The following OTULIN variants were observed in gnomAD, a reference collection of about 807,000 sequenced individuals.
OTULIN encodes OTU deubiquitinase with linear linkage specificity, also known as ubiquitin thioesterase otulin.
A neutral mutation model predicts 39.6 loss-of-function variants in OTULIN; 15 were observed. The ratio of observed to expected loss-of-function variants is 0.38; its 90% CI spans 0.25 to 0.58. The LOEUF (loss-of-function observed/expected upper bound fraction) is 0.58, where lower values mean the gene tolerates loss of function less well. Ranked by LOEUF, OTULIN falls within the 20% of genes least tolerant of loss-of-function variation. OTULIN has a pLI of 0.66. For missense variants in OTULIN, 319 were observed against 445.9 expected, an observed-to-expected ratio of 0.72 and a Z score of 2.56; for synonymous variants, 156 against 170.3, an observed-to-expected ratio of 0.92 and a Z score of 0.65.
chr5:14,715,153 C>T, the OTULIN span, among the ~76,000 whole-genome samples: 13 of 152,140 alleles, frequency 8.5e-5, no homozygotes, highest in South Asian at 1.0e-3. Context: ...TGTTTTGAGA[C>T]GGAGTTTCAC....
At chr5:14,681,960 T>G (rs1369466679) in intron 4 of OTULIN, among the ~76,000 whole-genome samples, 1 of 152,264 alleles carries the variant, frequency 6.6e-6, no homozygotes, top group Non-Finnish European at 1.5e-5. Context: ...TACACATTTC[T>G]TTAGTTTTTA....
Position 14,698,930 on chromosome 5 carries a change from GGGTGGGCTTGGACA to G in OTULIN, c.*5884_*5897del, listed in dbSNP as rs1736741081. 1 of 152,200 alleles carries G rather than the reference GGGTGGGCTTGGACA, an allele frequency of 6.6e-6. No individual in the cohort carries two copies. Among genetic ancestry groups the G allele is most frequent in the Non-Finnish European group, 1.5e-5 (1 of 68,064 alleles). 9.4% of individuals were successfully genotyped at this position (152,200 alleles called of 1,614,324 possible). ...ACAGCATTCCCGCTGCCCACTAAAA[GGGTGGGCTTGGACA>G]GTTCCTGAACCTCCCTAAATCTGTT... On this transcript the variant is annotated 3_prime_UTR_variant, in exon 7 of 7. Transcript: ENST00000284274.
At chr5:14,668,674 T>A (rs1333284622) in intron 1 of OTULIN, among the ~76,000 whole-genome samples, 2 of 152,256 alleles carry the variant, frequency 1.3e-5, no homozygotes, top group East Asian at 3.8e-4. Context: ...CCATACTTAG[T>A]TCTTATAGAC....
At chr5:14,667,976 T>C (rs1187753908) in intron 1 of OTULIN, among the ~76,000 whole-genome samples, 1 of 152,120 alleles carries the variant, frequency 6.6e-6, no homozygotes, top group Non-Finnish European at 1.5e-5. Flanking sequence ...AGGCCAGAAA[T>C]GCTTAGGGAA....
rs1736645695 is a variant in OTULIN, at chr5:14,695,623, A to G, written c.*2575A>G. 6.6e-6 allele frequency: 1 copy of G among 152,192 alleles called. No individual in the cohort carries two copies. Among genetic ancestry groups the G allele is most frequent in the Admixed American group, 6.5e-5 (1 of 15,276 alleles). The allele number at this position is 152,192 out of a possible 1,614,324, so 9.4% of individuals were successfully genotyped here. A position where few individuals can be genotyped will look rare whatever the true frequency, so the allele number is the denominator to read the frequency against. ...TTTAAACCTAAAATAATTTCCCTGT[A>G]TTATGCTTCATGGGATTAACACTGC... is the stretch of plus-strand genomic sequence containing the variant. On this transcript the variant is annotated 3_prime_UTR_variant, in exon 7 of 7. Transcript: ENST00000284274.
Position 14,678,677 on chromosome 5 carries a change from A to G in OTULIN, c.230-4A>G. The stretch of plus-strand genomic sequence containing the variant: ...GCTTTTTTTTTTTTTAAATTCTTTA[A>G]CAGAACCGAGATTAAGCGTAGCTCC... On this transcript the variant is annotated splice_region_variant and splice_polypyrimidine_tract_variant and intron_variant, in intron 2 of 6. Transcript: ENST00000284274. The G allele has an allele frequency of 1.9e-6, 3 of 1,564,612 alleles. No homozygotes were observed. The highest frequency in any genetic ancestry group is 2.6e-6 in the Non-Finnish European group (3 of 1,161,050).
At chr5:14,683,072 A>G (rs1159760127) in intron 4 of OTULIN, among the ~76,000 whole-genome samples, 2 of 152,210 alleles carry the variant, frequency 1.3e-5, no homozygotes, top group Non-Finnish European at 2.9e-5. Flanking sequence ...CATCTGTTCC[A>G]TGATTGTTTA....
the OTULIN span, chr5:14,712,823 T>A: frequency 6.5e-7 from 1 of 1,537,568 alleles, no homozygotes; most frequent in Non-Finnish European, 8.8e-7. Flanking sequence ...CAGGTTCTCC[T>A]GCACCCAGGA....
At chr5:14,689,975 A>G in intron 5 of OTULIN, 64 bp from the exon 6 acceptor site, 1 of 1,514,768 alleles carries the variant, frequency 6.6e-7, no homozygotes, top group East Asian at 2.3e-5. Context: ...TGCTCATAGT[A>G]TGGTACTATA....
chr5:14,665,894 A>T (rs938798541), intron 1 of OTULIN, among the ~76,000 whole-genome samples: 4 of 152,196 alleles, frequency 2.6e-5, no homozygotes, highest in Non-Finnish European at 4.4e-5. Flanking sequence ...CCCCCTTGGG[A>T]TGGTGTTATT....
intron 2 of OTULIN, among the ~76,000 whole-genome samples, chr5:14,674,840 C>T (rs764738069): frequency 1.3e-5 from 2 of 152,148 alleles, no homozygotes; most frequent in Middle Eastern, 3.2e-3. Flanking sequence ...ATGATACCAG[C>T]CATTTGTTGG....
At chr5:14,678,827 G>A (rs768156893) in intron 3 of OTULIN, 52 bp downstream of exon 3, 5 of 1,225,778 alleles carry the variant, frequency 4.1e-6, no homozygotes, top group South Asian at 2.9e-5. Context: ...TCTATCATAA[G>A]TTGTTTAATA....
Position 14,697,760 on chromosome 5 carries a change from T to G in OTULIN, c.*4712T>G, listed in dbSNP as rs1426125238. The G allele has an allele frequency of 6.6e-6, 1 of 152,136 alleles. No homozygotes were observed. The highest frequency in any genetic ancestry group is 2.4e-5 in the African/African-American group (1 of 41,420). 9.4% of individuals were successfully genotyped at this position (152,136 alleles called of 1,614,324 possible). ...CAATTAATCTCATTGATTTGTTTGG[T>G]ATAAGTTTGGGTCAGAAATGAAACT... is the stretch of plus-strand genomic sequence containing the variant. On this transcript the variant is annotated 3_prime_UTR_variant, in exon 7 of 7. Coordinates refer to ENST00000284274, the MANE Select transcript of OTULIN (RefSeq NM_138348.6).
intron 4 of OTULIN, among the ~76,000 whole-genome samples, chr5:14,683,865 G>A (rs1012826713): frequency 6.6e-6 from 1 of 151,968 alleles, no homozygotes; most frequent in Non-Finnish European, 1.5e-5. Context: ...TAAGTACAAT[G>A]TCTCCCCCCC....
chr5:14,702,141 C>T (rs970152885), downstream of OTULIN, among the ~76,000 whole-genome samples: 3 of 152,130 alleles, frequency 2.0e-5, no homozygotes, highest in Admixed American at 6.5e-5. Flanking sequence ...TAGGAGGCAG[C>T]GCTGATGGCG....
chr5:14,714,832 G>C, the OTULIN span, among the ~76,000 whole-genome samples: 1 of 152,204 alleles, frequency 6.6e-6, no homozygotes, highest in African/African-American at 2.4e-5. Flanking sequence ...CAGTAAAGGT[G>C]AATCACATAC....
At chr5:14,678,916 G>A in intron 3 of OTULIN, 141 bp downstream of exon 3, 1 of 513,678 alleles carries the variant, frequency 1.9e-6, no homozygotes, top group Non-Finnish European at 3.4e-6. Flanking sequence ...TAGAGTTAAG[G>A]AAATAGACTC....
At chr5:14,701,025 C>G (rs1269774459), downstream of OTULIN, among the ~76,000 whole-genome samples, 1 of 152,198 alleles carries the variant, frequency 6.6e-6, no homozygotes, top group African/African-American at 2.4e-5. Flanking sequence ...GGAGCCAAGA[C>G]AGGGAGGGAG....
At chr5:14,679,935 AC>A (rs35100983) in intron 3 of OTULIN, among the ~76,000 whole-genome samples, 107,214 of 152,060 alleles carry the variant, frequency 0.71, 39,394 homozygotes, top group Middle Eastern at 0.85. Flanking sequence ...AGATTTTCCA[AC>A]CTCTAGCCCA....
Sources: allele counts gnomAD v4.1 joint callset (sites outside exome capture counted in the v4.1 genomes callset), GRCh38; gene constraint gnomAD v4.1.1; transcripts MANE v1.5; gene names NCBI Gene and HGNC (gene_info 2026-07-23, HGNC 2026-07-21).